Variants in ALK observed in about 807,000 individuals in gnomAD.
ALK encodes the protein ALK receptor tyrosine kinase.
A neutral mutation model predicts 163.1 loss-of-function variants in ALK; 74 were observed. That is an observed-to-expected ratio of 0.45 (90% CI 0.38 to 0.55). The LOEUF is 0.55. Among genes scored for constraint, ALK ranks in the 20% least tolerant of loss-of-function variants. ALK has a pLI of 0.00. For missense variants in ALK, 2,063 were observed against 2,105.3 expected (o/e 0.98, Z 0.39); for synonymous variants, 960 against 843.2 (o/e 1.14, Z -2.40).
intron 3 of ALK, among the ~76,000 whole-genome samples, chr2:29,557,510 G>A (rs1296312603): frequency 6.6e-6 from 1 of 152,074 alleles, no homozygotes; most frequent in Non-Finnish European, 1.5e-5. Context: ...AGCAGAGGTA[G>A]GTCAGTATCC....
At position 29,207,082 on chromosome 2, in the gene ALK, C is replaced by T. The variant is rs901891354; in HGVS notation, c.3938+89G>A. 1.3e-4 allele frequency: 129 copies of T among 999,902 alleles called. 1 individual carries two copies. The highest frequency in any genetic ancestry group is 5.1e-4 in the Admixed American group (30 of 58,386). The allele number at this position is 999,902 out of a possible 1,614,324, so 61.9% of individuals were successfully genotyped here. A position where few individuals can be genotyped will look rare whatever the true frequency, so the allele number is the denominator to read the frequency against. The stretch of plus-strand genomic sequence containing the variant: ...TCTCTTTTCCCTCCCTACTAACACA[C>T]GGGCTCCCGGCTTAGAGTATAGAGT... On this transcript the variant is annotated intron_variant, in intron 26 of 28. Coordinates refer to ENST00000389048, the MANE Select transcript of ALK (RefSeq NM_004304.5).
intron 4 of ALK, among the ~76,000 whole-genome samples, chr2:29,481,833 G>A (rs1671665475): frequency 6.6e-6 from 1 of 152,162 alleles, no homozygotes; most frequent in African/African-American, 2.4e-5. Flanking sequence ...TTACATTCAG[G>A]AAAGAGGGTC....
chr2:29,810,008 T>C (rs1371776362), intron 1 of ALK, among the ~76,000 whole-genome samples: 2 of 152,216 alleles, frequency 1.3e-5, no homozygotes, highest in African/African-American at 2.4e-5. Flanking sequence ...CTAATGACTA[T>C]ATATGGGTTA....
At chr2:29,523,854 GA>G (rs1289554109) in intron 4 of ALK, among the ~76,000 whole-genome samples, 1 of 122,388 alleles carries the variant, frequency 8.2e-6, no homozygotes, top group Non-Finnish European at 1.6e-5. Context: ...GGCAGAAGCT[GA>G]AGGTTTTTTT....
intron 4 of ALK, among the ~76,000 whole-genome samples, chr2:29,415,068 C>T (rs1669837476): frequency 6.6e-6 from 1 of 151,222 alleles, no homozygotes; most frequent in African/African-American, 2.4e-5. Flanking sequence ...CATGTATACA[C>T]ACACATCAAA....
intron 5 of ALK, among the ~76,000 whole-genome samples, chr2:29,336,039 A>G (rs968651841): frequency 6.6e-6 from 1 of 152,154 alleles, no homozygotes; most frequent in Non-Finnish European, 1.5e-5. Flanking sequence ...ACTGTCTCAA[A>G]AAACAAACAA....
intron 12 of ALK, 29 bp downstream of exon 12, chr2:29,251,076 C>T (rs752571666): frequency 6.2e-7 from 1 of 1,608,444 alleles, no homozygotes; most frequent in Non-Finnish European, 8.5e-7. Context: ...GGGTGGTCTG[C>T]CCCTCCCCTC....
intron 3 of ALK, among the ~76,000 whole-genome samples, chr2:29,675,929 T>C (rs1157085304): frequency 1.3e-5 from 2 of 152,100 alleles, no homozygotes; most frequent in Admixed American, 6.6e-5. Context: ...CCCCTCTATA[T>C]TGACCAGACT....
chr2:29,877,068 A>T (rs901433529), intron 1 of ALK, among the ~76,000 whole-genome samples: 30 of 152,226 alleles, frequency 2.0e-4, no homozygotes, highest in African/African-American at 7.0e-4. Context: ...ACATATTTAC[A>T]TTATCAGAGG....
chr2:29,336,074 CT>C (rs1372966003), intron 5 of ALK, among the ~76,000 whole-genome samples: 6 of 152,076 alleles, frequency 3.9e-5, no homozygotes, highest in African/African-American at 1.4e-4. Flanking sequence ...CAACAACAAA[CT>C]GTTCCTCAGG....
At chr2:29,405,861 T>G in intron 4 of ALK, among the ~76,000 whole-genome samples, 1 of 152,226 alleles carries the variant, frequency 6.6e-6, no homozygotes, top group African/African-American at 2.4e-5. Context: ...CCTGGCCCTT[T>G]AAGATTAGCT....
intron 3 of ALK, among the ~76,000 whole-genome samples, chr2:29,540,435 A>T (rs1673382183): frequency 6.6e-6 from 1 of 152,264 alleles, no homozygotes; most frequent in South Asian, 2.1e-4. Flanking sequence ...AACTTATAAG[A>T]GCCTCTATGA....
chr2:29,824,752 T>C (rs1405222704), intron 1 of ALK, among the ~76,000 whole-genome samples: 2 of 152,240 alleles, frequency 1.3e-5, no homozygotes, highest in East Asian at 3.8e-4. Flanking sequence ...TTTTACAGGC[T>C]CGTAGGCAGA....
chr2:29,824,560 G>A (rs1159479400), intron 1 of ALK, among the ~76,000 whole-genome samples: 1 of 152,254 alleles, frequency 6.6e-6, no homozygotes, highest in Non-Finnish European at 1.5e-5. Context: ...TGACCTGGAT[G>A]TGAGACACGG....
At chr2:29,670,348 C>T (rs1461121237) in intron 3 of ALK, among the ~76,000 whole-genome samples, 2 of 152,136 alleles carry the variant, frequency 1.3e-5, no homozygotes, top group Middle Eastern at 3.4e-3. Flanking sequence ...TCCATTCCTT[C>T]CTGGCCTACT....
At chr2:29,603,595 T>C (rs1031036298) in intron 3 of ALK, among the ~76,000 whole-genome samples, 4 of 152,034 alleles carry the variant, frequency 2.6e-5, no homozygotes, top group Non-Finnish European at 5.9e-5. Context: ...GAACTAGTTT[T>C]TTTTAGGCTT....
chr2:29,613,067 G>A (rs1004109600), intron 3 of ALK, among the ~76,000 whole-genome samples: 3 of 152,168 alleles, frequency 2.0e-5, no homozygotes, highest in African/African-American at 7.2e-5. Context: ...GAGGAAAAAT[G>A]TTGAGAACAA....
chr2:29,303,061 T>G (rs749448202), intron 8 of ALK, among the ~76,000 whole-genome samples: 1 of 152,128 alleles, frequency 6.6e-6, no homozygotes, highest in African/African-American at 2.4e-5. Flanking sequence ...CAAAAGAAAC[T>G]ATAAACAGAG....
rs774517608 is a variant in ALK, at chr2:29,275,471, A to C, written c.1843T>G (p.Trp615Gly). Residue 615 changes from tryptophan to glycine, a missense_variant, in exon 10 of 29, where the codon TGG becomes GGG. By Grantham distance (184) the Trp-to-Gly change is radical (BLOSUM62 -2). Around this residue, in one of 5 missense-constraint regions of ALK, gnomAD observed 987 missense variants for 939.5 expected, o/e 1.05. Coordinates refer to ENST00000389048, the MANE Select transcript of ALK (RefSeq NM_004304.5). ...DRFWLQMVAW[W>G]GQGSRAIVAF... ...ACGATGGCTCTGGATCCTTGTCCCCACCATGCGACCATCTGCAGCCAGAAC... is the reference window on the plus strand; with the variant it reads ...ACGATGGCTCTGGATCCTTGTCCCCCCCATGCGACCATCTGCAGCCAGAAC... 5 of 1,614,158 alleles carry C rather than the reference A, an allele frequency of 3.1e-6. No individual in the cohort carries two copies. Among genetic ancestry groups the C allele is most frequent in the Non-Finnish European group, 4.2e-6 (5 of 1,180,016 alleles).
Sources: allele counts gnomAD v4.1 joint callset (sites outside exome capture counted in the v4.1 genomes callset), GRCh38; gene constraint gnomAD v4.1.1; regional missense constraint gnomAD v4.1.1; transcripts MANE v1.5; gene names NCBI Gene and HGNC (gene_info 2026-07-23, HGNC 2026-07-21).